The following TCF25 variants were observed in gnomAD, a reference collection of about 807,000 sequenced individuals.
The protein encoded by TCF25 is TCF25 ribosome quality control complex subunit.
Under a neutral mutation model 83.1 loss-of-function variants are expected in TCF25, and 41 were observed. That is an observed-to-expected ratio of 0.49 (90% CI 0.38 to 0.64). The LOEUF is 0.64. TCF25 is among the 30% of genes least tolerant of loss of function. The pLI, the probability that TCF25 is intolerant of heterozygous loss-of-function variation, is 0.00. For missense variants in TCF25, 979 were observed against 914.5 expected, an observed-to-expected ratio of 1.07 and a Z score of -0.91; for synonymous variants, 458 against 365.0, an observed-to-expected ratio of 1.25 and a Z score of -2.90.
chr16:89,887,482 G>A (rs1344513016), intron 4 of TCF25, among the ~76,000 whole-genome samples, 170 bp from the exon 5 acceptor site: 2 of 152,230 alleles, frequency 1.3e-5, no homozygotes, highest in African/African-American at 4.8e-5. Flanking sequence ...GCCCGCAGTG[G>A]CGAGGCCTCA....
intron 11 of TCF25, among the ~76,000 whole-genome samples, chr16:89,899,534 C>A (rs1264302596): frequency 6.6e-6 from 1 of 152,108 alleles, no homozygotes; most frequent in African/African-American, 2.4e-5. Context: ...GAGTTTGATA[C>A]CAGCCTCAAC....
rs1253153035 is a variant in TCF25, at chr16:89,892,252, C to T, written c.674C>T (p.Thr225Ile). 16 of 1,612,596 alleles carry T rather than the reference C, an allele frequency of 9.9e-6. No homozygotes were observed. Among genetic ancestry groups the T allele is most frequent in the African/African-American group, 1.3e-5 (1 of 74,892 alleles). Reference protein sequence around the residue: ...KCTWLTTPKSTWPRYSKPGLS... With the variant: ...KCTWLTTPKSIWPRYSKPGLS... Reference sequence around the variant, plus strand: ...ACATGGCTGACCACCCCTAAAAGCACCTGGCCCCGCTACAGCAAACCAGGT... The same window carrying T: ...ACATGGCTGACCACCCCTAAAAGCATCTGGCCCCGCTACAGCAAACCAGGT... Residue 225 changes from threonine to isoleucine, a missense_variant, in exon 6 of 18, where the codon ACC becomes ATC. Transcript: ENST00000263346.
chr16:89,898,736 T>G, intron 10 of TCF25, 31 bp from the exon 11 acceptor site: 1 of 1,613,440 alleles, frequency 6.2e-7, no homozygotes, highest in South Asian at 1.1e-5. Context: ...CCTGTTCCCC[T>G]TTGCTCTGCT....
chr16:89,900,836 T>C (rs1347908454), intron 12 of TCF25, 42 bp downstream of exon 12: 9 of 1,496,782 alleles, frequency 6.0e-6, no homozygotes, highest in Non-Finnish European at 8.2e-6. Flanking sequence ...GGGTGTGTCC[T>C]GTCAGCCGTG....
At position 89,910,673 on chromosome 16, in the gene TCF25, GCTCGT is replaced by G. The variant is rs1475128880; in HGVS notation, c.1872+12_1872+16del. ...AAACTATACCATGGAGGTAGGTTGAGCTCGTCCCAGCCCCTGCCTCCCCAGTGGGT... is the reference window on the plus strand; with the variant it reads ...AAACTATACCATGGAGGTAGGTTGAGCCCAGCCCCTGCCTCCCCAGTGGGT... On this transcript the variant is annotated intron_variant, in intron 17 of 17. Transcript: ENST00000263346. 14 of 1,613,046 alleles carry G rather than the reference GCTCGT, an allele frequency of 8.7e-6. No homozygotes were observed. The highest frequency in any genetic ancestry group is 1.2e-5 in the Non-Finnish European group (14 of 1,179,904).
At chr16:89,883,047 C>A (rs943439014) in intron 1 of TCF25, among the ~76,000 whole-genome samples, 2 of 152,150 alleles carry the variant, frequency 1.3e-5, no homozygotes. Flanking sequence ...TGCAGATGGT[C>A]CTCTGTAAAT....
Position 89,893,713 on chromosome 16 carries a change from A to T in TCF25, c.698-15A>T, listed in dbSNP as rs1284545402. The T allele has an allele frequency of 1.2e-6, 2 of 1,612,566 alleles. No homozygotes were observed. Among genetic ancestry groups the T allele is most frequent in the Admixed American group, 1.7e-5 (1 of 59,932 alleles). ...TGCTCCCGGCACACCCTCCCTGAGC[A>T]CTCTCCCCTCCCAGGTCTGTCCATG... On this transcript the variant is annotated splice_polypyrimidine_tract_variant and intron_variant, in intron 6 of 17. Transcript: ENST00000263346.
chr16:89,908,808 C>G (rs543472199), intron 16 of TCF25, among the ~76,000 whole-genome samples: 5,849 of 123,480 alleles, frequency 0.047, 497 homozygotes, highest in African/African-American at 0.21. Context: ...CCAGCTCCCA[C>G]CTCGCAGCTC....
chr16:89,874,423 C>G (rs1044945665), intron 1 of TCF25: 1 of 153,630 alleles, frequency 6.5e-6, no homozygotes, highest in African/African-American at 2.4e-5. Context: ...TTCCCTTTCT[C>G]GAGTCTAGAG....
intron 1 of TCF25, among the ~76,000 whole-genome samples, chr16:89,880,239 C>T (rs1267022811): frequency 6.6e-6 from 1 of 152,166 alleles, no homozygotes. Flanking sequence ...TGTCAAACAC[C>T]TCAAAATAAG....
intron 16 of TCF25, chr16:89,910,280 G>C (rs1438961572): frequency 2.3e-6 from 1 of 432,848 alleles, no homozygotes; most frequent in Non-Finnish European, 4.2e-6. Context: ...CAGCTTTTCT[G>C]AAAAGCAAGG....
chr16:89,887,318 T>A (rs1402696411), intron 4 of TCF25, among the ~76,000 whole-genome samples: 1 of 147,868 alleles, frequency 6.8e-6, no homozygotes, highest in East Asian at 2.0e-4. Context: ...AAAAAAAAGC[T>A]CCGTGGAGTC....
intron 1 of TCF25, among the ~76,000 whole-genome samples, chr16:89,875,020 G>C (rs2042069136): frequency 6.6e-6 from 1 of 152,148 alleles, no homozygotes; most frequent in Admixed American, 6.6e-5. Context: ...TTTGTTTTGA[G>C]ATGGAATCTT....
intron 2 of TCF25, 150 bp from the exon 3 acceptor site, chr16:89,884,432 A>T (rs1183934426): frequency 2.8e-6 from 2 of 704,910 alleles, no homozygotes; most frequent in Non-Finnish European, 4.8e-6. Flanking sequence ...TGCCTGCTGG[A>T]GAGAAGAGAG....
chr16:89,884,478 G>A, intron 2 of TCF25, 104 bp from the exon 3 acceptor site: 1 of 1,180,578 alleles, frequency 8.5e-7, no homozygotes, highest in Non-Finnish European at 1.2e-6. Flanking sequence ...GGAGGGAGAG[G>A]TAGGGGCTGC....
At chr16:89,877,105 AAAATAAATAAAT>A (rs756315948) in intron 1 of TCF25, among the ~76,000 whole-genome samples, 2 of 148,882 alleles carry the variant, frequency 1.3e-5, no homozygotes, top group African/African-American at 5.2e-5. Context: ...CTGTCTCAAA[AAAATAAATAAAT>A]AAATAAATAA....
chr16:89,896,136 G>A, intron 9 of TCF25, 53 bp downstream of exon 9: 1 of 1,567,200 alleles, frequency 6.4e-7, no homozygotes, highest in Non-Finnish European at 8.7e-7. Context: ...TCTCCTGCGA[G>A]TGAGGCTGGG....
rs375851365 is a variant in TCF25 at position 89,875,127 on chromosome 16, A to G, written c.192+1268A>G. 2.4e-4 allele frequency among the ~76,000 whole-genome samples: 37 copies of G among 152,194 alleles called. No homozygotes were observed. In the South Asian group the frequency reaches 7.7e-3, roughly 32 times the overall value. Reference sequence around the variant, plus strand: ...TAGTCCTCTCACCTTGGCCTCTCAGAGTGTTGGCATTAGAGGCATGAGCCA... The same window carrying G: ...TAGTCCTCTCACCTTGGCCTCTCAGGGTGTTGGCATTAGAGGCATGAGCCA... On this transcript the variant is annotated intron_variant, in intron 1 of 17. Transcript: ENST00000263346.
chr16:89,898,467 G>A lies in TCF25; in HGVS notation c.1023-90G>A. ...TACTGGCCAGGACGCTGAGCAGAGG[G>A]CGGGGTGGAGTGGGTGCTGGCCGGG... On this transcript the variant is annotated intron_variant, in intron 9 of 17. Transcript: ENST00000263346. 3.1e-6 allele frequency: 4 copies of A among 1,308,816 alleles called. No individual in the cohort carries two copies. The South Asian group carries it at 3.6e-5, about 12-fold the overall frequency. The allele number at this position is 1,308,816 out of a possible 1,614,324, so 81.1% of individuals were successfully genotyped here.
Sources: gnomAD v4.1 joint callset for allele counts (sites outside exome capture counted in the v4.1 genomes callset) on GRCh38, gnomAD v4.1.1 for gene constraint, MANE v1.5 for transcripts, NCBI Gene and HGNC (gene_info 2026-07-23, HGNC 2026-07-21) for gene names.